PICALM: variants seen among roughly 807,000 people sequenced by gnomAD.
The protein encoded by PICALM is phosphatidylinositol binding clathrin assembly protein, also known as phosphatidylinositol-binding clathrin assembly protein.
In PICALM, 40 loss-of-function variants were observed where a neutral mutation model predicts 80.5. The observed-to-expected ratio is 0.50, with a 90% CI of 0.39 to 0.65. The LOEUF (loss-of-function observed/expected upper bound fraction) is 0.65. Among genes scored for constraint, PICALM ranks in the 30% least tolerant of loss-of-function variants. The pLI is 0.00. For synonymous variants in PICALM, 288 were observed against 260.3 expected, an observed-to-expected ratio of 1.11 and a Z score of -1.02; for missense variants, 676 against 778.9, an observed-to-expected ratio of 0.87 and a Z score of 1.57.
intron 7 of PICALM, among the ~76,000 whole-genome samples, chr11:86,009,512 T>C (rs938384474): frequency 4.0e-5 from 6 of 151,346 alleles, no homozygotes; most frequent in African/African-American, 1.5e-4. Flanking sequence ...GCCAACACGG[T>C]GAAACCCCGT....
intron 5 of PICALM, among the ~76,000 whole-genome samples, chr11:86,012,709 G>C (rs2136302387): frequency 6.6e-6 from 1 of 151,644 alleles, no homozygotes; most frequent in East Asian, 1.9e-4. Flanking sequence ...TTCTTTTTTA[G>C]CACATGAAAA....
intron 9 of PICALM, 63 bp downstream of exon 9, chr11:86,003,303 C>T: frequency 1.2e-6 from 1 of 868,762 alleles, no homozygotes; most frequent in East Asian, 2.5e-5. Context: ...GGAACTTGAG[C>T]TGGTTTCATC....
chr11:85,984,000 T>G, intron 13 of PICALM, 27 bp from the exon 14 acceptor site: 1 of 1,027,718 alleles, frequency 9.7e-7, no homozygotes, highest in Admixed American at 1.9e-5. Context: ...GGAAAAAAGC[T>G]CAATTATTTA....
intron 7 of PICALM, among the ~76,000 whole-genome samples, chr11:86,009,820 A>AAC (rs778516342): frequency 1.3e-5 from 2 of 152,214 alleles, no homozygotes; most frequent in Admixed American, 6.5e-5. Flanking sequence ...TCACAGCATA[A>AAC]ACACCACCTT....
intron 13 of PICALM, among the ~76,000 whole-genome samples, chr11:85,986,031 A>G (rs943265972): frequency 6.6e-6 from 1 of 152,192 alleles, no homozygotes; most frequent in African/African-American, 2.4e-5. Flanking sequence ...ATTATGACAT[A>G]ATTACCTAAA....
intron 14 of PICALM, among the ~76,000 whole-genome samples, chr11:85,982,538 C>T (rs2094473325): frequency 7.0e-6 from 1 of 143,662 alleles, no homozygotes; most frequent in Admixed American, 7.2e-5. Flanking sequence ...CGCCATTCTC[C>T]TGCCTCAGCC....
intron 17 of PICALM, chr11:85,978,163 A>T: frequency 1.6e-6 from 2 of 1,287,634 alleles, no homozygotes; most frequent in Non-Finnish European, 2.3e-6. Flanking sequence ...TACACAACAG[A>T]AAATACACAG....
chr11:86,026,335 CGT>C lies in PICALM; in HGVS notation c.304_305del (p.Thr102ValfsTer3), dbSNP rs1565461477. On this transcript the variant is annotated frameshift_variant, in exon 3 of 20. Transcript: ENST00000393346. LOFTEE classifies it high-confidence loss of function. ...RFIQYLASRN[T>X]LFNLSNFLDK... Reference sequence around the variant, plus strand: ...CCAAAAAATTGCTTAAGTTAAACAACGTGTTTCTTGAAGCCAAATACTGAATA... The same window carrying C: ...CCAAAAAATTGCTTAAGTTAAACAACGTTTCTTGAAGCCAAATACTGAATA... The C allele has an allele frequency of 6.2e-7, 1 of 1,603,650 alleles. No individual in the cohort carries two copies. Among genetic ancestry groups the C allele is most frequent in the Non-Finnish European group, 8.5e-7 (1 of 1,172,886 alleles).
intron 19 of PICALM, among the ~76,000 whole-genome samples, chr11:85,968,768 A>G (rs1756427063): frequency 6.6e-6 from 1 of 152,178 alleles, no homozygotes; most frequent in Non-Finnish European, 1.5e-5. Flanking sequence ...ACAGAAGAGA[A>G]ACAAAAGGAA....
At position 85,981,805 on chromosome 11, in the gene PICALM, T is replaced by C. The variant is rs758775460; in HGVS notation, c.1649-30A>G. 4 of 1,612,550 alleles carry C rather than the reference T, an allele frequency of 2.5e-6. No individual in the cohort carries two copies. The African/African-American group carries it at 5.3e-5, about 22-fold the overall frequency. ...GAAAGGAGAAAAACAAAAAAGCATT[T>C]TATAACACGAGACGCAGTTTAATAA... On this transcript the variant is annotated intron_variant, in intron 15 of 19. Coordinates refer to ENST00000393346, the MANE Select transcript of PICALM (RefSeq NM_007166.4).
At chr11:86,010,367 C>A (rs1471025841) in intron 7 of PICALM, among the ~76,000 whole-genome samples, 5 of 151,216 alleles carry the variant, frequency 3.3e-5, no homozygotes, top group Admixed American at 3.3e-4. Context: ...TGCTCTGTCG[C>A]CCAGCCTGGA....
At chr11:85,997,064 G>T in intron 11 of PICALM, 135 bp from the exon 12 acceptor site, 1 of 542,090 alleles carries the variant, frequency 1.8e-6, no homozygotes, top group Non-Finnish European at 3.2e-6. Context: ...TCTCAAAAGA[G>T]GAACAGTTTC....
chr11:85,977,991 A>C, intron 17 of PICALM: 1 of 1,039,680 alleles, frequency 9.6e-7, no homozygotes, highest in South Asian at 1.3e-5. Flanking sequence ...GTAATAGCTG[A>C]AAGGTTATGA....
At chr11:86,030,023 G>C (rs1360323221) in intron 2 of PICALM, among the ~76,000 whole-genome samples, 1 of 152,102 alleles carries the variant, frequency 6.6e-6, no homozygotes, top group East Asian at 1.9e-4. Context: ...CAATGTGGTG[G>C]TATAACGATG....
intron 3 of PICALM, 41 bp from the exon 4 acceptor site, chr11:86,022,510 C>T: frequency 9.2e-7 from 1 of 1,091,702 alleles, no homozygotes; most frequent in African/African-American, 1.6e-5. Flanking sequence ...AAGAGAGAGA[C>T]AAGTTTTTAT....
chr11:85,967,551 C>G (rs1352408429), intron 19 of PICALM, among the ~76,000 whole-genome samples: 1 of 152,156 alleles, frequency 6.6e-6, no homozygotes, highest in Non-Finnish European at 1.5e-5. Flanking sequence ...ATCCCAATCC[C>G]CAAGGAAACG....
At chr11:85,995,551 G>C (rs977499522) in intron 12 of PICALM, among the ~76,000 whole-genome samples, 10 of 152,096 alleles carry the variant, frequency 6.6e-5, no homozygotes, top group Non-Finnish European at 1.2e-4. Flanking sequence ...TTGCAGTTCA[G>C]CTTCTTTGAA....
intron 8 of PICALM, among the ~76,000 whole-genome samples, chr11:86,004,534 C>G (rs1283228525): frequency 6.6e-6 from 1 of 151,030 alleles, no homozygotes; most frequent in African/African-American, 2.4e-5. Context: ...TAATGGAAGA[C>G]TAATTTTAAA....
At chr11:86,003,495 C>A (rs771127377) in intron 8 of PICALM, 44 bp from the exon 9 acceptor site, 1 of 1,244,396 alleles carries the variant, frequency 8.0e-7, no homozygotes, top group Non-Finnish European at 1.1e-6. Context: ...AATTAGGCCA[C>A]TGGTCAAATT....
Sources: allele counts gnomAD v4.1 joint callset (sites outside exome capture counted in the v4.1 genomes callset), GRCh38; gene constraint gnomAD v4.1.1; transcripts MANE v1.5; gene names NCBI Gene and HGNC (gene_info 2026-07-23, HGNC 2026-07-21).